CHCHD3: variants seen among roughly 807,000 people sequenced by gnomAD.
CHCHD3 encodes MICOS complex subunit MIC19.
In CHCHD3, 20 loss-of-function variants were observed where a neutral mutation model predicts 38.2. The observed-to-expected ratio is 0.52, with a 90% confidence interval of 0.37 to 0.76. The LOEUF is 0.76. CHCHD3 is among the 30% of genes least tolerant of loss of function. The pLI is 0.00. For synonymous variants in CHCHD3, 82 were observed against 100.0 expected (o/e 0.82, Z 1.07); for missense variants, 245 against 279.2 (o/e 0.88, Z 0.87).
At chr7:133,000,262 G>A (rs112632641) in intron 3 of CHCHD3, among the ~76,000 whole-genome samples, 2 of 152,106 alleles carry the variant, frequency 1.3e-5, no homozygotes, top group African/African-American at 4.8e-5. Flanking sequence ...CATTCGTGCT[G>A]AGCACCAGTC....
intron 5 of CHCHD3, among the ~76,000 whole-genome samples, chr7:132,854,154 G>A (rs967401572): frequency 7.2e-5 from 11 of 152,080 alleles, no homozygotes; most frequent in African/African-American, 2.7e-4. Flanking sequence ...TGACTCAAAG[G>A]CTTCATGTCT....
At chr7:132,923,881 A>T (rs1423715866) in intron 4 of CHCHD3, among the ~76,000 whole-genome samples, 3 of 152,222 alleles carry the variant, frequency 2.0e-5, no homozygotes, top group African/African-American at 7.2e-5. Flanking sequence ...AATGAGAAAG[A>T]TTAAGCACAA....
intron 3 of CHCHD3, among the ~76,000 whole-genome samples, chr7:133,007,820 T>C (rs1168588762): frequency 1.3e-5 from 2 of 152,236 alleles, no homozygotes; most frequent in Non-Finnish European, 2.9e-5. Context: ...TCTCAACATC[T>C]GATATTATAT....
chr7:132,992,780 CTTTTT>C (rs542266437), intron 3 of CHCHD3, among the ~76,000 whole-genome samples: 2 of 152,014 alleles, frequency 1.3e-5, no homozygotes, highest in African/African-American at 4.8e-5. Context: ...TTTAGAGTTA[CTTTTT>C]TTTGTTTGTT....
At chr7:133,026,222 G>C (rs1813333194) in intron 2 of CHCHD3, among the ~76,000 whole-genome samples, 1 of 152,044 alleles carries the variant, frequency 6.6e-6, no homozygotes, top group Non-Finnish European at 1.5e-5. Context: ...ATGGGCAAAG[G>C]CTATAAATAG....
intron 6 of CHCHD3, among the ~76,000 whole-genome samples, chr7:132,811,767 C>T (rs935509860): frequency 3.9e-5 from 6 of 152,186 alleles, no homozygotes; most frequent in Non-Finnish European, 5.9e-5. Flanking sequence ...TTCCTCCCGG[C>T]TCTCTGGCTC....
chr7:132,821,851 T>C (rs1243995872), intron 6 of CHCHD3, among the ~76,000 whole-genome samples: 1 of 145,114 alleles, frequency 6.9e-6, no homozygotes, highest in African/African-American at 2.6e-5. Flanking sequence ...CAAGCTCCGC[T>C]TCCCGGGTTC....
chr7:133,032,433 C>A (rs114957144), intron 2 of CHCHD3, among the ~76,000 whole-genome samples: 4,394 of 152,226 alleles, frequency 0.029, 206 homozygotes, highest in African/African-American at 0.1. Context: ...AAGAGTTTGG[C>A]AACCTGAACA....
intron 4 of CHCHD3, among the ~76,000 whole-genome samples, chr7:132,887,429 A>C (rs1201797850): frequency 6.6e-6 from 1 of 151,782 alleles, no homozygotes; most frequent in Non-Finnish European, 1.5e-5. Flanking sequence ...ATAAAAACCC[A>C]AAATATAAAT....
intron 5 of CHCHD3, among the ~76,000 whole-genome samples, chr7:132,843,312 G>T (rs767285389): frequency 9.9e-5 from 15 of 152,066 alleles, no homozygotes; most frequent in South Asian, 2.1e-4. Context: ...AATCTCTGGG[G>T]ATGGGGCCAG....
chr7:132,887,641 A>G, intron 4 of CHCHD3, among the ~76,000 whole-genome samples: 1 of 10,420 alleles, frequency 9.6e-5, no homozygotes, highest in South Asian at 8.1e-3. Context: ...CAAAAGAAAT[A>G]TACACAAATA....
chr7:133,064,185 G>A (rs562696237), intron 2 of CHCHD3, among the ~76,000 whole-genome samples: 1 of 152,214 alleles, frequency 6.6e-6, no homozygotes, highest in Non-Finnish European at 1.5e-5. Context: ...GTCAAAGATG[G>A]CGGCCATGCT....
At chr7:132,886,117 A>C (rs1809202040) in intron 4 of CHCHD3, among the ~76,000 whole-genome samples, 1 of 152,098 alleles carries the variant, frequency 6.6e-6, no homozygotes, top group Non-Finnish European at 1.5e-5. Context: ...TCTTTTTTGA[A>C]CAAAAAAGTA....
rs1194340236 is a variant in CHCHD3 at position 132,947,459 on chromosome 7, T to C, written c.369+27710A>G. On this transcript the variant is annotated intron_variant, in intron 4 of 7. Coordinates refer to ENST00000262570, the MANE Select transcript of CHCHD3 (RefSeq NM_017812.4). ...GTAAGCATGTAAAATAAAAAGTTTCTAAATTATAGCCTGAAAAAATGAGAT... is the reference window on the plus strand; with the variant it reads ...GTAAGCATGTAAAATAAAAAGTTTCCAAATTATAGCCTGAAAAAATGAGAT... 2.6e-5 allele frequency among the ~76,000 whole-genome samples: 4 copies of C among 152,030 alleles called. No individual in the cohort carries two copies. In the South Asian group the frequency reaches 6.2e-4, roughly 24 times the overall value.
intron 3 of CHCHD3, among the ~76,000 whole-genome samples, chr7:133,005,957 A>G (rs1035037523): frequency 6.6e-6 from 1 of 152,234 alleles, no homozygotes; most frequent in Non-Finnish European, 1.5e-5. Flanking sequence ...CACCTATTGC[A>G]TATCTGTTGT....
intron 5 of CHCHD3, among the ~76,000 whole-genome samples, chr7:132,843,966 G>C (rs1337865145): frequency 6.6e-6 from 1 of 152,152 alleles, no homozygotes; most frequent in Non-Finnish European, 1.5e-5. Flanking sequence ...ATATGGAATG[G>C]GGAAGAAATC....
At chr7:132,880,170 T>C (rs936904229) in intron 5 of CHCHD3, among the ~76,000 whole-genome samples, 3 of 152,180 alleles carry the variant, frequency 2.0e-5, no homozygotes, top group Non-Finnish European at 4.4e-5. Context: ...AGAATGAACA[T>C]CTTCAAGTTG....
chr7:132,821,481 G>A lies in CHCHD3; in HGVS notation c.524+16918C>T, dbSNP rs973604529. Among the ~76,000 whole-genome samples, 12 of 152,200 alleles carry A rather than the reference G, an allele frequency of 7.9e-5. 1 individual carries two copies. The highest frequency in any genetic ancestry group is 2.6e-4 in the Admixed American group (4 of 15,290). The stretch of plus-strand genomic sequence containing the variant: ...ATTGTACCTATATTGACATTATGGC[G>A]TGGAAAAATGAAGAGAAGTCCTAAT... On this transcript the variant is annotated intron_variant, in intron 6 of 7. Transcript: ENST00000262570.
At chr7:133,009,838 T>A (rs1405678720) in intron 3 of CHCHD3, among the ~76,000 whole-genome samples, 2 of 152,214 alleles carry the variant, frequency 1.3e-5, no homozygotes, top group African/African-American at 4.8e-5. Context: ...ATTTTGATTA[T>A]GTTGTTAGCC....
Sources: allele counts gnomAD v4.1 joint callset (sites outside exome capture counted in the v4.1 genomes callset), GRCh38; gene constraint gnomAD v4.1.1; transcripts MANE v1.5; gene names NCBI Gene and HGNC (gene_info 2026-07-23, HGNC 2026-07-21).